Variants in FHIT observed in about 807,000 individuals in gnomAD.
The protein encoded by FHIT is bis(5'-adenosyl)-triphosphatase.
In FHIT, 19 loss-of-function variants were observed where a neutral mutation model predicts 17.9. The observed-to-expected ratio is 1.06, with a 90% CI of 0.74 to 1.56. FHIT has a LOEUF of 1.56. FHIT is among the 40% of genes most tolerant of loss of function. The pLI is 0.00. For missense variants in FHIT, 248 were observed against 189.2 expected (o/e 1.31, Z -1.82); for synonymous variants, 81 against 69.7 (o/e 1.16, Z -0.81).
At chr3:60,418,425 TAC>T (rs386419797) in intron 5 of FHIT, among the ~76,000 whole-genome samples, 2,351 of 21,620 alleles carry the variant, frequency 0.11, 221 homozygotes, top group Non-Finnish European at 0.13. Context: ...TATATATATA[TAC>T]GTGTATACAC....
intron 3 of FHIT, among the ~76,000 whole-genome samples, chr3:61,017,413 G>C (rs1305290807): frequency 6.6e-6 from 1 of 152,236 alleles, no homozygotes; most frequent in African/African-American, 2.4e-5. Context: ...TAGAAAAACA[G>C]TTTCAGAGAT....
intron 2 of FHIT, among the ~76,000 whole-genome samples, chr3:61,064,289 T>C (rs2106711223): frequency 6.6e-6 from 1 of 152,238 alleles, no homozygotes; most frequent in East Asian, 1.9e-4. Context: ...TCCTATCCTG[T>C]GTTGAATGCT....
In FHIT at chr3:60,157,549, G is replaced by C. The variant is rs186889913; in HGVS notation, c.104-143397C>G. 3.9e-3 allele frequency among the ~76,000 whole-genome samples: 594 copies of C among 152,298 alleles called. 5 individuals are homozygous for C. Among genetic ancestry groups the C allele is most frequent in the African/African-American group, 0.013 (536 of 41,568 alleles). The stretch of plus-strand genomic sequence containing the variant: ...TCTGGTGTGGGACTAGCTAAATACA[G>C]GCAGCAGTGAGCTTCGAGGTGAAAG... On this transcript the variant is annotated intron_variant, in intron 5 of 9. Transcript: ENST00000492590.
chr3:60,247,147 G>C (rs1281002500), intron 5 of FHIT, among the ~76,000 whole-genome samples: 1 of 152,062 alleles, frequency 6.6e-6, no homozygotes, highest in Non-Finnish European at 1.5e-5. Context: ...TATGTGGAAG[G>C]GGAGGGAGTA....
intron 5 of FHIT, among the ~76,000 whole-genome samples, chr3:60,338,675 T>C (rs1710364238): frequency 6.6e-6 from 1 of 152,210 alleles, no homozygotes; most frequent in African/African-American, 2.4e-5. Context: ...ATAGAGCACA[T>C]GTGGTTTTCT....
At chr3:60,114,001 CCAAAAAAAAAAAAAAA>C (rs1704810921) in intron 5 of FHIT, among the ~76,000 whole-genome samples, 6 of 17,932 alleles carry the variant, frequency 3.3e-4, no homozygotes, top group African/African-American at 1.4e-3. Flanking sequence ...GACCCCGTCT[CCAAAAAAAAAAAAAAA>C]AAAAAAAAAA....
intron 5 of FHIT, among the ~76,000 whole-genome samples, chr3:60,131,568 A>G (rs1422681611): frequency 6.6e-6 from 1 of 152,070 alleles, no homozygotes; most frequent in East Asian, 1.9e-4. Flanking sequence ...CCTACCTAAT[A>G]AGGGCAGCTA....
chr3:60,176,804 G>A (rs373146120), intron 5 of FHIT, among the ~76,000 whole-genome samples: 3 of 152,168 alleles, frequency 2.0e-5, no homozygotes, highest in African/African-American at 4.8e-5. Flanking sequence ...ATCATGAGCC[G>A]ATGGAAGTCC....
rs148953470 is a variant in FHIT, at chr3:60,508,716, C to A, written c.103+28144G>T. Among the ~76,000 whole-genome samples, 434 of 152,130 alleles carry A rather than the reference C, an allele frequency of 2.9e-3. 6 individuals carry two copies. The East Asian group carries it at 0.03, about 11-fold the overall frequency. ...TCTATTTATTTGGATCAATTCTTAT[C>A]CAAATCTGTGAGATTTGTATATTAT... On this transcript the variant is annotated intron_variant, in intron 5 of 9. Coordinates refer to ENST00000492590, the MANE Select transcript of FHIT (RefSeq NM_002012.4).
At chr3:61,032,264 A>G (rs1242835980) in intron 3 of FHIT, among the ~76,000 whole-genome samples, 2 of 152,154 alleles carry the variant, frequency 1.3e-5, no homozygotes, top group African/African-American at 4.8e-5. Flanking sequence ...TAACCTCCTC[A>G]TGGCTCCCTC....
chr3:59,883,218 CTG>C (rs1413975431), intron 8 of FHIT, among the ~76,000 whole-genome samples: 1 of 152,190 alleles, frequency 6.6e-6, no homozygotes, highest in African/African-American at 2.4e-5. Context: ...ATTAAAAACT[CTG>C]TAATTCCTCA....
At chr3:60,471,056 G>A (rs2033065212) in intron 5 of FHIT, among the ~76,000 whole-genome samples, 1 of 152,200 alleles carries the variant, frequency 6.6e-6, no homozygotes, top group Non-Finnish European at 1.5e-5. Flanking sequence ...TCTGCCTGGT[G>A]CCCTATGCTA....
rs574474150 is a variant in FHIT, at chr3:60,001,857, A to G, written c.279+9514T>C. ...CTGCTAGAACCTGATTACGTCTGGG[A>G]ATTTATACCATTTACAACCAACAGA... On this transcript the variant is annotated intron_variant, in intron 7 of 9. Transcript: ENST00000492590. Among the ~76,000 whole-genome samples, 21 of 152,230 alleles carry G rather than the reference A, an allele frequency of 1.4e-4. 1 individual carries two copies. In the South Asian group the frequency reaches 3.5e-3, roughly 26 times the overall value.
At chr3:60,214,532 C>G (rs1472999209) in intron 5 of FHIT, among the ~76,000 whole-genome samples, 1 of 152,082 alleles carries the variant, frequency 6.6e-6, no homozygotes, top group Non-Finnish European at 1.5e-5. Context: ...GGTGAGGCGA[C>G]AGAGTAAAGG....
intron 5 of FHIT, among the ~76,000 whole-genome samples, chr3:60,221,374 T>C (rs1703950450): frequency 6.6e-6 from 1 of 152,144 alleles, no homozygotes; most frequent in Non-Finnish European, 1.5e-5. Flanking sequence ...GTCTCCCCAG[T>C]ACCACCTGCT....
At chr3:60,409,147 C>T (rs934328732) in intron 5 of FHIT, among the ~76,000 whole-genome samples, 1 of 152,096 alleles carries the variant, frequency 6.6e-6, no homozygotes, top group East Asian at 1.9e-4. Flanking sequence ...GTGTATGTTA[C>T]AAAAGTAAAT....
At chr3:60,277,354 C>G (rs1707197191) in intron 5 of FHIT, among the ~76,000 whole-genome samples, 1 of 152,120 alleles carries the variant, frequency 6.6e-6, no homozygotes, top group Admixed American at 6.6e-5. Flanking sequence ...TCTTTTCTAA[C>G]AAAGAGCAGC....
chr3:60,732,228 G>T (rs782486282), intron 4 of FHIT: 24 of 836,000 alleles, frequency 2.9e-5, no homozygotes, highest in Non-Finnish European at 4.3e-5. Context: ...TGGCCTCCAT[G>T]ATATTCATGC....
chr3:59,912,684 T>G (rs1463289262), intron 8 of FHIT, among the ~76,000 whole-genome samples: 1 of 152,172 alleles, frequency 6.6e-6, no homozygotes, highest in Non-Finnish European at 1.5e-5. Context: ...AAACAATTTT[T>G]TAGAGGGAAA....
Sources: allele counts gnomAD v4.1 joint callset (sites outside exome capture counted in the v4.1 genomes callset), GRCh38; gene constraint gnomAD v4.1.1; transcripts MANE v1.5; gene names NCBI Gene and HGNC (gene_info 2026-07-23, HGNC 2026-07-21).